Variants in TMCO4 observed in about 807,000 individuals in gnomAD.
TMCO4 encodes the protein transmembrane and coiled-coil domain-containing protein 4.
In TMCO4, 58 loss-of-function variants were observed where a neutral mutation model predicts 64.7. That is an observed-to-expected ratio of 0.90 (90% CI 0.73 to 1.12). The LOEUF (loss-of-function observed/expected upper bound fraction) is 1.12. TMCO4 is among the 50% of genes most tolerant of loss of function. The probability of loss-of-function intolerance (pLI) is 0.00; values close to 1 mark genes in which losing one functional copy is unlikely to be tolerated. For missense variants in TMCO4, 780 were observed against 825.9 expected (o/e 0.94, Z 0.68); for synonymous variants, 325 against 346.1 (o/e 0.94, Z 0.68).
rs906100469 is a variant in TMCO4, at chr1:19,771,545, T to C, written c.180-63A>G. 3.2e-6 allele frequency: 5 copies of C among 1,542,770 alleles called. No homozygotes were observed. The African/African-American group carries it at 5.4e-5, about 17-fold the overall frequency. ...AGAGCTCAGCCTCCACTGGGCAGTGTAGATTAGTTGTGGTCACGGATGTGA... is the reference window on the plus strand; with the variant it reads ...AGAGCTCAGCCTCCACTGGGCAGTGCAGATTAGTTGTGGTCACGGATGTGA... On this transcript the variant is annotated intron_variant, in intron 4 of 15. Coordinates refer to ENST00000294543, the MANE Select transcript of TMCO4 (RefSeq NM_181719.7).
rs57031243 is a variant in TMCO4, at chr1:19,693,164, C to CAAA, written c.1500+1267_1500+1269dup. Among the ~76,000 whole-genome samples, 5 of 19,980 alleles carry CAAA rather than the reference C, an allele frequency of 2.5e-4. 2 individuals carry two copies. The highest frequency in any genetic ancestry group is 5.5e-4 in the Non-Finnish European group (5 of 9,054). The allele number at this position is 19,980 out of a possible 152,430, so 13.1% of individuals were successfully genotyped here. ...CTCCAGCCTGAGCGAGACCCCATCTCAAAAAAAAAAAAAAAAAAAAAAAAA... is the reference window on the plus strand; with the variant it reads ...CTCCAGCCTGAGCGAGACCCCATCTCAAAAAAAAAAAAAAAAAAAAAAAAAAAA... On this transcript the variant is annotated intron_variant, in intron 15 of 15. Transcript: ENST00000294543.
At chr1:19,763,316 T>C (rs2042587764) in intron 6 of TMCO4, among the ~76,000 whole-genome samples, 1 of 152,178 alleles carries the variant, frequency 6.6e-6, no homozygotes, top group Non-Finnish European at 1.5e-5. Context: ...CCTCAAGTGA[T>C]CTGCCTGCCT....
At chr1:19,763,787 A>G (rs2042610344) in intron 6 of TMCO4, among the ~76,000 whole-genome samples, 1 of 152,248 alleles carries the variant, frequency 6.6e-6, no homozygotes, top group South Asian at 2.1e-4. Flanking sequence ...CATATAAAGA[A>G]GAAACTACAC....
intron 14 of TMCO4, among the ~76,000 whole-genome samples, chr1:19,695,162 A>T (rs901677029): frequency 1.3e-5 from 2 of 152,182 alleles, no homozygotes; most frequent in African/African-American, 4.8e-5. Flanking sequence ...AGCGCTGGGA[A>T]CATTCCTCTA....
intron 3 of TMCO4, among the ~76,000 whole-genome samples, chr1:19,783,161 G>A (rs2043571151): frequency 6.6e-6 from 1 of 152,132 alleles, no homozygotes; most frequent in Non-Finnish European, 1.5e-5. Context: ...CTGGGTGTAG[G>A]GCACTGGGGT....
chr1:19,748,302 G>A (rs1359143884), intron 7 of TMCO4, among the ~76,000 whole-genome samples: 3 of 152,110 alleles, frequency 2.0e-5, no homozygotes, highest in African/African-American at 4.8e-5. Flanking sequence ...GTCAAAAGGC[G>A]GACACTAATT....
At chr1:19,786,686 A>C (rs540810141) in intron 3 of TMCO4, among the ~76,000 whole-genome samples, 54 of 152,358 alleles carry the variant, frequency 3.5e-4, no homozygotes, top group African/African-American at 1.3e-3. Flanking sequence ...ATGAGGGTGC[A>C]TGGAACCTCT....
rs878860213 is a variant in TMCO4, at chr1:19,771,582, G to A, written c.180-100C>T. On this transcript the variant is annotated intron_variant, in intron 4 of 15. Coordinates refer to ENST00000294543, the MANE Select transcript of TMCO4 (RefSeq NM_181719.7). ...GGTCACGGATGTGAACAGCTGGCACGTGCCTGACTTACTGACTGTGATCCC... is the reference window on the plus strand; with the variant it reads ...GGTCACGGATGTGAACAGCTGGCACATGCCTGACTTACTGACTGTGATCCC... 20 of 1,199,728 alleles carry A rather than the reference G, an allele frequency of 1.7e-5. No homozygotes were observed. In the East Asian group the frequency reaches 2.5e-4, roughly 15 times the overall value. The allele number at this position is 1,199,728 out of a possible 1,614,324, so 74.3% of individuals were successfully genotyped here.
intron 13 of TMCO4, among the ~76,000 whole-genome samples, chr1:19,702,202 C>T (rs1005310332): frequency 1.3e-5 from 2 of 150,140 alleles, no homozygotes; most frequent in Non-Finnish European, 3.0e-5. Context: ...ATCTCCTGAC[C>T]TCGTGATCCG....
intron 12 of TMCO4, among the ~76,000 whole-genome samples, chr1:19,738,753 T>C (rs1350891989): frequency 2.0e-5 from 3 of 152,234 alleles, no homozygotes; most frequent in Non-Finnish European, 4.4e-5. Context: ...AAACTGCTAG[T>C]TGTCATCCCT....
chr1:19,740,677 G>T (rs1169923027), intron 11 of TMCO4, 100 bp downstream of exon 11: 2 of 1,369,322 alleles, frequency 1.5e-6, no homozygotes, highest in Non-Finnish European at 2.0e-6. Context: ...CCAGCACGGT[G>T]CCTGCCCTGG....
intron 13 of TMCO4, among the ~76,000 whole-genome samples, chr1:19,721,114 T>TA (rs2095380696): frequency 6.6e-6 from 1 of 152,136 alleles, no homozygotes; most frequent in African/African-American, 2.4e-5. Flanking sequence ...CTGTTGTTGT[T>TA]ATGGACTGAG....
Position 19,731,841 on chromosome 1 carries a change from G to A in TMCO4, c.1264+5531C>T, listed in dbSNP as rs76947810. 5.1e-3 allele frequency among the ~76,000 whole-genome samples: 772 copies of A among 152,270 alleles called. 11 individuals are homozygous for A. The highest frequency in any genetic ancestry group is 0.016 in the African/African-American group (655 of 41,542). ...GGTCACACTCGAGTGCTTGGCTCTC[G>A]GGATCAGGACCTTTCTGTTCCCCTC... On this transcript the variant is annotated intron_variant, in intron 13 of 15. Transcript: ENST00000294543.
Position 19,796,423 on chromosome 1 carries a change from G to A in TMCO4, c.-101+1714C>T, listed in dbSNP as rs151125258. Among the ~76,000 whole-genome samples, 759 of 152,218 alleles carry A rather than the reference G, an allele frequency of 5.0e-3. 9 individuals are homozygous for A. The highest frequency in any genetic ancestry group is 0.018 in the African/African-American group (729 of 41,526). ...TTGGACATAATGGCCGGTTGCTAAT[G>A]TGTCTGTCTCCCTGACCAGGAGGGT... On this transcript the variant is annotated intron_variant, in intron 2 of 15. Coordinates refer to ENST00000294543, the MANE Select transcript of TMCO4 (RefSeq NM_181719.7).
At chr1:19,750,523 A>G (rs1472825075) in intron 7 of TMCO4, among the ~76,000 whole-genome samples, 1 of 152,204 alleles carries the variant, frequency 6.6e-6, no homozygotes, top group Non-Finnish European at 1.5e-5. Flanking sequence ...CGCAGCAGCC[A>G]ATGCCAAGTA....
chr1:19,695,326 T>C (rs750348691), intron 14 of TMCO4, among the ~76,000 whole-genome samples: 7 of 152,166 alleles, frequency 4.6e-5, no homozygotes, highest in Non-Finnish European at 7.4e-5. Flanking sequence ...AGGGGCCCCT[T>C]GAAGCAGCCT....
chr1:19,733,568 C>T (rs2095439598), intron 13 of TMCO4, among the ~76,000 whole-genome samples: 1 of 152,182 alleles, frequency 6.6e-6, no homozygotes, highest in Non-Finnish European at 1.5e-5. Context: ...GGGCTGCACA[C>T]CAGAATTGCC....
chr1:19,769,344 G>A (rs2042881301), intron 6 of TMCO4, among the ~76,000 whole-genome samples: 1 of 152,168 alleles, frequency 6.6e-6, no homozygotes, highest in South Asian at 2.1e-4. Context: ...TCTCCTTGCT[G>A]AAGCCGGCCA....
In TMCO4 at chr1:19,692,211, G is replaced by A. The variant is rs534777096; in HGVS notation, c.1500+2223C>T. On this transcript the variant is annotated intron_variant, in intron 15 of 15. Coordinates refer to ENST00000294543, the MANE Select transcript of TMCO4 (RefSeq NM_181719.7). ...TCAGGGTCCCCTGATTGCTGAAGTC[G>A]GCTTGTGCTTGTAGTTACAGCTTAT... Among the ~76,000 whole-genome samples, 5 of 152,254 alleles carry A rather than the reference G, an allele frequency of 3.3e-5. No individual in the cohort carries two copies. The South Asian group carries it at 1.0e-3, about 32-fold the overall frequency.
Sources: allele counts gnomAD v4.1 joint callset (sites outside exome capture counted in the v4.1 genomes callset), GRCh38; gene constraint gnomAD v4.1.1; transcripts MANE v1.5; gene names NCBI Gene and HGNC (gene_info 2026-07-23, HGNC 2026-07-21).